IGFL2: variants seen among roughly 807,000 people sequenced by gnomAD.
IGFL2 encodes IGF like family member 2, also known as insulin growth factor-like family member 2.
In IGFL2, 7 loss-of-function variants were observed where a neutral mutation model predicts 13.9. The observed-to-expected ratio is 0.51, with a 90% confidence interval of 0.29 to 0.95. The LOEUF is 0.95. Ranked by LOEUF, IGFL2 falls within the 40% of genes least tolerant of loss-of-function variation. IGFL2 has a pLI of 0.08. For missense variants in IGFL2, 138 were observed against 147.8 expected (o/e 0.93, Z 0.34); for synonymous variants, 55 against 55.8 (o/e 0.99, Z 0.07).
At chr19:46,137,664 C>G in the IGFL2 span, 22 of 613,306 alleles carry the variant, frequency 3.6e-5, no homozygotes, top group Non-Finnish European at 5.6e-5. Context: ...ACCTATGCGG[C>G]CAGTGTGGCC....
At chr19:46,157,945 A>T (rs1973911668) in intron 1 of IGFL2, among the ~76,000 whole-genome samples, 1 of 152,232 alleles carries the variant, frequency 6.6e-6, no homozygotes, top group Non-Finnish European at 1.5e-5. Flanking sequence ...AGGTTTCAGA[A>T]TGCAAGATCA....
At chr19:46,169,677 G>C in the IGFL2 span, among the ~76,000 whole-genome samples, 1 of 151,978 alleles carries the variant, frequency 6.6e-6, no homozygotes, top group Non-Finnish European at 1.5e-5. Flanking sequence ...GAGAAACCCT[G>C]TCTCTACTAA....
chr19:46,136,698 C>T, the IGFL2 span: 1 of 489,558 alleles, frequency 2.0e-6, no homozygotes, highest in Non-Finnish European at 4.0e-6. Flanking sequence ...CTTGCCATCA[C>T]CCCAGAAATC....
At chr19:46,136,642 T>A in the IGFL2 span, 1 of 409,412 alleles carries the variant, frequency 2.4e-6, no homozygotes, top group Non-Finnish European at 4.7e-6. Flanking sequence ...AGCAATCCCA[T>A]GTGCAGATAT....
the IGFL2 span, among the ~76,000 whole-genome samples, chr19:46,179,007 A>G: frequency 6.6e-6 from 1 of 151,930 alleles, no homozygotes; most frequent in East Asian, 1.9e-4. Flanking sequence ...AGTAGAGCAG[A>G]GAGAAGAGGC....
chr19:46,116,385 T>G, the IGFL2 span, among the ~76,000 whole-genome samples: 1 of 152,226 alleles, frequency 6.6e-6, no homozygotes, highest in Non-Finnish European at 1.5e-5. Context: ...TACCTAATAG[T>G]CTGACTGGGA....
At chr19:46,168,916 A>ATGTG in the IGFL2 span, among the ~76,000 whole-genome samples, 16,525 of 145,562 alleles carry the variant, frequency 0.11, 1,215 homozygotes, top group African/African-American at 0.21. Flanking sequence ...GTGTGTGTGT[A>ATGTG]TGTGTGTGTG....
chr19:46,182,186 G>C, the IGFL2 span, among the ~76,000 whole-genome samples: 1 of 151,928 alleles, frequency 6.6e-6, no homozygotes, highest in Non-Finnish European at 1.5e-5. Context: ...GGCCAACATA[G>C]TGAAACCCCG....
At chr19:46,131,087 A>G in the IGFL2 span, among the ~76,000 whole-genome samples, 2 of 152,122 alleles carry the variant, frequency 1.3e-5, no homozygotes, top group Non-Finnish European at 2.9e-5. Flanking sequence ...TTTTTCTATA[A>G]GATGTGATGC....
At chr19:46,175,126 A>G in the IGFL2 span, among the ~76,000 whole-genome samples, 1 of 152,224 alleles carries the variant, frequency 6.6e-6, no homozygotes, top group Non-Finnish European at 1.5e-5. Flanking sequence ...ATATTAATAC[A>G]TGAATCTGTC....
chr19:46,139,348 T>TC (rs2146795180), upstream of IGFL2, among the ~76,000 whole-genome samples: 1 of 150,574 alleles, frequency 6.6e-6, no homozygotes, highest in South Asian at 2.1e-4. Context: ...AACCAATTTT[T>TC]TTTTTTTAAA....
the IGFL2 span, among the ~76,000 whole-genome samples, chr19:46,112,462 A>T: frequency 6.6e-6 from 1 of 152,176 alleles, no homozygotes; most frequent in Non-Finnish European, 1.5e-5. Flanking sequence ...AAAGACTGAG[A>T]ATCTCTTTGG....
chr19:46,163,186 G>C (rs1974242118), downstream of IGFL2, among the ~76,000 whole-genome samples: 1 of 152,168 alleles, frequency 6.6e-6, no homozygotes, highest in African/African-American at 2.4e-5. Flanking sequence ...TTCTCACAAT[G>C]CTCTGAAAGT....
At chr19:46,124,781 A>G in the IGFL2 span, 2 of 768,876 alleles carry the variant, frequency 2.6e-6, no homozygotes, top group Non-Finnish European at 4.6e-6. Context: ...TGCCACCTGC[A>G]GTCTCCCAAG....
chr19:46,118,790 C>T, the IGFL2 span, among the ~76,000 whole-genome samples: 1 of 152,192 alleles, frequency 6.6e-6, no homozygotes, highest in Non-Finnish European at 1.5e-5. Context: ...CGTGAGCAGA[C>T]TGCATTCCCC....
chr19:46,178,650 TC>T, the IGFL2 span, among the ~76,000 whole-genome samples: 3 of 152,264 alleles, frequency 2.0e-5, no homozygotes, highest in Non-Finnish European at 2.9e-5. Flanking sequence ...TTCCACAACT[TC>T]CCTTATCTGA....
the IGFL2 span, among the ~76,000 whole-genome samples, chr19:46,126,627 A>G: frequency 6.6e-6 from 1 of 152,222 alleles, no homozygotes; most frequent in African/African-American, 2.4e-5. Context: ...CATTCCTAAA[A>G]CAATGAGCAT....
At chr19:46,146,583 C>T (rs1476639416), upstream of IGFL2, among the ~76,000 whole-genome samples, 1 of 152,136 alleles carries the variant, frequency 6.6e-6, no homozygotes, top group East Asian at 1.9e-4. Flanking sequence ...TTCCAAACCA[C>T]GACATGATAT....
chr19:46,107,398 G>A, the IGFL2 span, among the ~76,000 whole-genome samples: 6 of 152,328 alleles, frequency 3.9e-5, no homozygotes, highest in South Asian at 4.1e-4. Flanking sequence ...GCTGCTAGGC[G>A]AATTGGACAG....
Sources: gnomAD v4.1 joint callset for allele counts (sites outside exome capture counted in the v4.1 genomes callset) on GRCh38, gnomAD v4.1.1 for gene constraint, MANE v1.5 for transcripts, NCBI Gene and HGNC (gene_info 2026-07-23, HGNC 2026-07-21) for gene names.